SLC16A12: variants seen among roughly 807,000 people sequenced by gnomAD.
SLC16A12 encodes monocarboxylate transporter 12.
In SLC16A12, 17 loss-of-function variants were observed where a neutral mutation model predicts 42.4. The observed-to-expected ratio is 0.40, with a 90% CI of 0.27 to 0.60. The LOEUF (loss-of-function observed/expected upper bound fraction) is 0.60. Ranked by LOEUF, SLC16A12 falls within the 20% of genes least tolerant of loss-of-function variation. The pLI, the probability that SLC16A12 is intolerant of heterozygous loss-of-function variation, is 0.42. For missense variants in SLC16A12, 544 were observed against 623.0 expected (o/e 0.87, Z 1.35); for synonymous variants, 224 against 229.4 (o/e 0.98, Z 0.21).
intron 3 of SLC16A12, among the ~76,000 whole-genome samples, chr10:89,453,838 C>T (rs1196216767): frequency 1.3e-5 from 2 of 152,110 alleles, no homozygotes; most frequent in Non-Finnish European, 2.9e-5. Flanking sequence ...CTTTCTTGCA[C>T]ACTGTAGGAT....
At chr10:89,466,174 A>G (rs1208293880) in intron 2 of SLC16A12, among the ~76,000 whole-genome samples, 1 of 152,246 alleles carries the variant, frequency 6.6e-6, no homozygotes, top group African/African-American at 2.4e-5. Flanking sequence ...AATGTTGTAT[A>G]TATCAAAGTG....
intron 2 of SLC16A12, 40 bp from the exon 3 acceptor site, chr10:89,462,664 A>G (rs533532569): frequency 2.7e-6 from 4 of 1,505,694 alleles, no homozygotes; most frequent in South Asian, 2.6e-5. Flanking sequence ...TCTTATTGCT[A>G]TGTCCAAAGG....
intron 2 of SLC16A12, among the ~76,000 whole-genome samples, chr10:89,524,420 C>G (rs1843414687): frequency 6.6e-6 from 1 of 152,188 alleles, no homozygotes; most frequent in Non-Finnish European, 1.5e-5. Flanking sequence ...ACACATATTC[C>G]CTACCTGTCA....
chr10:89,506,376 G>C (rs1376930225), intron 2 of SLC16A12, among the ~76,000 whole-genome samples: 3 of 152,182 alleles, frequency 2.0e-5, no homozygotes, highest in African/African-American at 7.2e-5. Flanking sequence ...CCAGAGGAAG[G>C]ATCAGGCAGC....
chr10:89,470,368 A>G (rs748424569), intron 2 of SLC16A12, among the ~76,000 whole-genome samples: 1 of 152,230 alleles, frequency 6.6e-6, no homozygotes, highest in Non-Finnish European at 1.5e-5. Flanking sequence ...CCTTTAACCT[A>G]GGTAGCTGAG....
At chr10:89,486,276 A>T (rs1326891134) in intron 2 of SLC16A12, among the ~76,000 whole-genome samples, 10 of 152,158 alleles carry the variant, frequency 6.6e-5, no homozygotes, top group Admixed American at 5.2e-4. Context: ...ATCTAAAAAA[A>T]GAAAGAAAAA....
upstream of SLC16A12, among the ~76,000 whole-genome samples, chr10:89,536,076 C>T (rs1462002183): frequency 7.1e-6 from 1 of 140,900 alleles, no homozygotes; most frequent in East Asian, 1.9e-4. Context: ...AATGCACCGG[C>T]TTTCTGTGTC....
intron 2 of SLC16A12, among the ~76,000 whole-genome samples, chr10:89,468,688 G>A (rs1375310761): frequency 3.9e-5 from 6 of 152,180 alleles, no homozygotes; most frequent in African/African-American, 1.4e-4. Flanking sequence ...ATATTCAGAA[G>A]AAATGTGCAG....
chr10:89,497,058 A>G (rs1842930294), intron 2 of SLC16A12, among the ~76,000 whole-genome samples: 1 of 152,234 alleles, frequency 6.6e-6, no homozygotes, highest in Non-Finnish European at 1.5e-5. Context: ...CTGAATGTAA[A>G]GTATAGGCTT....
At chr10:89,440,376 GTACCTTCTTTAGCTAACA>G (rs1182609488) in intron 5 of SLC16A12, among the ~76,000 whole-genome samples, 1 of 152,164 alleles carries the variant, frequency 6.6e-6, no homozygotes, top group Non-Finnish European at 1.5e-5. Flanking sequence ...AGGGGTGGGT[GTACCTTCTTTAGCTAACA>G]TAGCCAAATT....
intron 3 of SLC16A12, among the ~76,000 whole-genome samples, chr10:89,446,388 A>G (rs1842002302): frequency 6.6e-6 from 1 of 152,250 alleles, no homozygotes; most frequent in Non-Finnish European, 1.5e-5. Context: ...AGGGAAGCCC[A>G]TCAGACTAAC....
chr10:89,483,752 A>C (rs56314422), intron 2 of SLC16A12, among the ~76,000 whole-genome samples: 5,866 of 144,074 alleles, frequency 0.041, 89 homozygotes, highest in Non-Finnish European at 0.067. Flanking sequence ...AAAAAAAAAA[A>C]ACAAAAAAAA....
intron 3 of SLC16A12, among the ~76,000 whole-genome samples, chr10:89,459,516 A>ATATG (rs141782667): frequency 1.3e-5 from 2 of 149,636 alleles, no homozygotes; most frequent in Admixed American, 6.7e-5. Flanking sequence ...TTCTGTGTTT[A>ATATG]TGTGTGTGTG....
intron 2 of SLC16A12, among the ~76,000 whole-genome samples, chr10:89,502,697 C>A (rs528333865): frequency 6.6e-6 from 1 of 152,300 alleles, no homozygotes; most frequent in East Asian, 1.9e-4. Flanking sequence ...GTGTCGGACA[C>A]TGCTAAAGTC....
intron 2 of SLC16A12, among the ~76,000 whole-genome samples, chr10:89,516,758 A>G (rs1235153684): frequency 6.6e-6 from 1 of 152,176 alleles, no homozygotes; most frequent in Admixed American, 6.5e-5. Context: ...TTGAGTCCCA[A>G]CACTTCTTTT....
chr10:89,446,807 A>C (rs754033939), intron 3 of SLC16A12, among the ~76,000 whole-genome samples: 6 of 152,184 alleles, frequency 3.9e-5, no homozygotes, highest in Non-Finnish European at 7.4e-5. Context: ...AAAGACACAG[A>C]CTAGCCAATT....
At chr10:89,536,549 C>T (rs1031736957), upstream of SLC16A12, among the ~76,000 whole-genome samples, 5 of 152,008 alleles carry the variant, frequency 3.3e-5, no homozygotes, top group Admixed American at 2.6e-4. Context: ...AGGGAGCTGC[C>T]AGGACGTACC....
intron 2 of SLC16A12, among the ~76,000 whole-genome samples, chr10:89,542,052 C>A (rs549215291): frequency 1.7e-4 from 26 of 152,124 alleles, no homozygotes; most frequent in African/African-American, 6.3e-4. Context: ...TTGAGGATTA[C>A]ATGAGATGAC....
chr10:89,519,530 C>T (rs1187758852), intron 2 of SLC16A12, among the ~76,000 whole-genome samples: 2 of 152,008 alleles, frequency 1.3e-5, no homozygotes, highest in East Asian at 3.9e-4. Context: ...GTAATATAGG[C>T]CCTCAGGGAG....
Sources: gnomAD v4.1 joint callset for allele counts (sites outside exome capture counted in the v4.1 genomes callset) on GRCh38, gnomAD v4.1.1 for gene constraint, MANE v1.5 for transcripts, NCBI Gene and HGNC (gene_info 2026-07-23, HGNC 2026-07-21) for gene names.